EXT1: variants seen among roughly 807,000 people sequenced by gnomAD.
The protein encoded by EXT1 is exostosin-1.
Under a neutral mutation model 82.5 loss-of-function variants are expected in EXT1, and 20 were observed. The ratio of observed to expected loss-of-function variants is 0.24; its 90% CI spans 0.17 to 0.35. The LOEUF (loss-of-function observed/expected upper bound fraction) is 0.35, where lower values mean the gene tolerates loss of function less well. Among genes scored for constraint, EXT1 ranks in the 10% least tolerant of loss-of-function variants. The pLI, the probability that EXT1 is intolerant of heterozygous loss-of-function variation, is 1.00. For synonymous variants in EXT1, 348 were observed against 350.8 expected, an observed-to-expected ratio of 0.99 and a Z score of 0.09; for missense variants, 757 against 936.5, an observed-to-expected ratio of 0.81 and a Z score of 2.50.
chr8:117,957,872 T>C (rs1814620814), intron 1 of EXT1, among the ~76,000 whole-genome samples: 1 of 152,244 alleles, frequency 6.6e-6, no homozygotes, highest in Non-Finnish European at 1.5e-5. Flanking sequence ...CAGTTCAAGA[T>C]ACTTAACTAT....
intron 1 of EXT1, among the ~76,000 whole-genome samples, chr8:118,047,414 A>G (rs893370581): frequency 1.3e-5 from 2 of 152,210 alleles, no homozygotes; most frequent in African/African-American, 4.8e-5. Flanking sequence ...AGCACTAAAT[A>G]AGGATACATC....
At chr8:117,952,723 T>C (rs765244710) in intron 1 of EXT1, among the ~76,000 whole-genome samples, 12 of 151,390 alleles carry the variant, frequency 7.9e-5, no homozygotes, top group Non-Finnish European at 1.6e-4. Context: ...ATCATGCCAA[T>C]GCACTCCAGC....
At chr8:118,078,249 C>T (rs1031102284) in intron 1 of EXT1, among the ~76,000 whole-genome samples, 5 of 152,048 alleles carry the variant, frequency 3.3e-5, no homozygotes, top group African/African-American at 9.7e-5. Context: ...CCCAGGTTGG[C>T]GTGCAGTGGC....
At position 117,796,233 on chromosome 8, in the gene EXT1, T is replaced by G. The variant is rs577112164; in HGVS notation, c.*3479A>C. The G allele has an allele frequency of 6.6e-6, 1 of 152,300 alleles. No homozygotes were observed. The highest frequency in any genetic ancestry group is 2.1e-4 in the South Asian group (1 of 4,826). 9.4% of individuals were successfully genotyped at this position (152,300 alleles called of 1,614,324 possible). A position where few individuals can be genotyped will look rare whatever the true frequency, so the allele number is the denominator to read the frequency against. On this transcript the variant is annotated 3_prime_UTR_variant, in exon 11 of 11. Transcript: ENST00000378204. ...AAGACACTTCCAGGTCTGGGAAGTT[T>G]GCTTGGCTTTTGCATCCATAATTCA...
Position 117,970,469 on chromosome 8 carries a change from AT to A in EXT1, c.963-133269del, listed in dbSNP as rs549507072. 2.6e-5 allele frequency among the ~76,000 whole-genome samples: 4 copies of A among 151,696 alleles called. No individual in the cohort carries two copies. The East Asian group carries it at 5.8e-4, about 22-fold the overall frequency. ...AGGTGTGTACCACCATGCCTGGCTA[AT>A]TTTTTTTGGTATTTTTAGTAGAGAT... On this transcript the variant is annotated intron_variant, in intron 1 of 10. Coordinates refer to ENST00000378204, the MANE Select transcript of EXT1 (RefSeq NM_000127.3).
At chr8:117,933,067 T>C (rs1814091344) in intron 1 of EXT1, among the ~76,000 whole-genome samples, 1 of 152,144 alleles carries the variant, frequency 6.6e-6, no homozygotes, top group Non-Finnish European at 1.5e-5. Flanking sequence ...CAGTGGTATG[T>C]TCTTCCCCAA....
At chr8:117,913,791 C>T (rs1344230445) in intron 1 of EXT1, among the ~76,000 whole-genome samples, 1 of 152,164 alleles carries the variant, frequency 6.6e-6, no homozygotes, top group East Asian at 1.9e-4. Context: ...ATTCCACAAA[C>T]ATTATCTCAC....
chr8:117,923,672 G>GC (rs5894403), intron 1 of EXT1, among the ~76,000 whole-genome samples: 9,730 of 151,564 alleles, frequency 0.064, 846 homozygotes, highest in African/African-American at 0.2. Context: ...CTGGCAGTAA[G>GC]CCGAGATCGT....
chr8:118,076,015 C>T (rs1394894459), intron 1 of EXT1, among the ~76,000 whole-genome samples: 3 of 152,104 alleles, frequency 2.0e-5, no homozygotes, highest in Admixed American at 6.5e-5. Flanking sequence ...CAAATACATA[C>T]ATGGTTATGC....
At chr8:118,056,980 AAC>A (rs2129934640) in intron 1 of EXT1, among the ~76,000 whole-genome samples, 1 of 152,226 alleles carries the variant, frequency 6.6e-6, no homozygotes, top group East Asian at 1.9e-4. Flanking sequence ...TGGTTTCCTA[AAC>A]ACAGGCCCTG....
In EXT1 at chr8:118,041,705, G is replaced by GGAAGGAAGGAAGGAAA. The variant is rs1554596108; in HGVS notation, c.962+68364_962+68379dup. Among the ~76,000 whole-genome samples, 134 of 150,518 alleles carry GGAAGGAAGGAAGGAAA rather than the reference G, an allele frequency of 8.9e-4. 1 individual carries two copies. The highest frequency in any genetic ancestry group is 3.1e-3 in the African/African-American group (129 of 40,988). ...AGGAAGGAAGGAAGGAAGGAAGGAA[G>GGAAGGAAGGAAGGAAA]GAAGGAAGGAAGGAAAAAGAAAAGG... On this transcript the variant is annotated intron_variant, in intron 1 of 10. Coordinates refer to ENST00000378204, the MANE Select transcript of EXT1 (RefSeq NM_000127.3).
At chr8:117,918,277 C>T (rs1813791855) in intron 1 of EXT1, among the ~76,000 whole-genome samples, 2 of 152,146 alleles carry the variant, frequency 1.3e-5, no homozygotes, top group Admixed American at 1.3e-4. Context: ...TGCGCTGCAC[C>T]CAACACAGTG....
chr8:117,851,616 GACACACACACACACACAC>G (rs35686154), intron 1 of EXT1, among the ~76,000 whole-genome samples: 34 of 147,908 alleles, frequency 2.3e-4, no homozygotes, highest in African/African-American at 7.7e-4. Flanking sequence ...AATTTAGCTG[GACACACACACACACACAC>G]ACACACACAC....
intron 9 of EXT1, 136 bp from the exon 10 acceptor site, chr8:117,805,029 T>C (rs576525807): frequency 6.5e-5 from 51 of 779,022 alleles, no homozygotes; most frequent in Non-Finnish European, 9.8e-5. Context: ...ATGATGATGA[T>C]GACGATAACT....
At chr8:118,071,260 T>G (rs915540486) in intron 1 of EXT1, among the ~76,000 whole-genome samples, 2 of 152,190 alleles carry the variant, frequency 1.3e-5, no homozygotes, top group Non-Finnish European at 2.9e-5. Context: ...GTGCCTGGTC[T>G]CAGGGGCCAT....
intron 1 of EXT1, among the ~76,000 whole-genome samples, chr8:118,028,524 CAT>C (rs1729630773): frequency 6.6e-6 from 1 of 151,676 alleles, no homozygotes; most frequent in African/African-American, 2.4e-5. Context: ...TATAGATATA[CAT>C]ATGACACTAG....
chr8:117,985,769 T>A (rs1312296941), intron 1 of EXT1, among the ~76,000 whole-genome samples: 1 of 152,220 alleles, frequency 6.6e-6, no homozygotes, highest in African/African-American at 2.4e-5. Context: ...TTCAGTTAAA[T>A]CAAAATTTAT....
intron 1 of EXT1, among the ~76,000 whole-genome samples, chr8:118,074,473 C>A (rs1817167592): frequency 6.6e-6 from 1 of 152,030 alleles, no homozygotes; most frequent in Non-Finnish European, 1.5e-5. Context: ...GCAGAGGGCG[C>A]GGAGGCCCGG....
intron 1 of EXT1, among the ~76,000 whole-genome samples, chr8:117,943,543 C>T (rs1237743160): frequency 1.3e-5 from 2 of 152,164 alleles, no homozygotes; most frequent in Admixed American, 1.3e-4. Flanking sequence ...GTGAAAGAAG[C>T]ACTTTAGGAG....
Sources: gnomAD v4.1 joint callset for allele counts (sites outside exome capture counted in the v4.1 genomes callset) on GRCh38, gnomAD v4.1.1 for gene constraint, MANE v1.5 for transcripts, NCBI Gene and HGNC (gene_info 2026-07-23, HGNC 2026-07-21) for gene names.